TMEM107: variants seen among roughly 807,000 people sequenced by gnomAD.
TMEM107 encodes transmembrane protein 107.
Under a neutral mutation model 16.8 loss-of-function variants are expected in TMEM107, and 18 were observed. The observed-to-expected ratio is 1.07, with a 90% CI of 0.74 to 1.59. TMEM107 has a LOEUF of 1.59. TMEM107 is among the 40% of genes most tolerant of loss of function. TMEM107 has a pLI of 0.00. For synonymous variants in TMEM107, 68 were observed against 71.6 expected (o/e 0.95, Z 0.25); for missense variants, 152 against 175.4 (o/e 0.87, Z 0.75).
Position 8,175,196 on chromosome 17 carries a change from G to A in TMEM107, c.256+561C>T, listed in dbSNP as rs893938480. The A allele has an allele frequency of 6.0e-5, 12 of 200,286 alleles. No homozygotes were observed. In the East Asian group the frequency reaches 6.2e-4, roughly 10 times the overall value. The allele number at this position is 200,286 out of a possible 1,614,324, so 12.4% of individuals were successfully genotyped here. A position where few individuals can be genotyped will look rare whatever the true frequency, so the allele number is the denominator to read the frequency against. ...TTCTCCTTCCTCAGTCTCCTGAGTA[G>A]CTGGGATTACAGGAGTGCGCCGCCA... On this transcript the variant is annotated intron_variant, in intron 3 of 4. Coordinates refer to ENST00000437139, the MANE Select transcript of TMEM107 (RefSeq NM_183065.4).
chr17:8,172,742 T>G lies in TMEM107; in HGVS notation c.*1461A>C, dbSNP rs1295709131. On this transcript the variant is annotated 3_prime_UTR_variant, in exon 5 of 5. Transcript: ENST00000437139. ...GGTGCTCACCTGTAGTCCCAGCTAC[T>G]TGGGAGGCTGATGCAGGAGGATCAT... Among the ~76,000 whole-genome samples the G allele has an allele frequency of 6.6e-6, 1 of 150,602 alleles. No individual in the cohort carries two copies. The highest frequency in any genetic ancestry group is 1.5e-5 in the Non-Finnish European group (1 of 67,808).
In TMEM107 at chr17:8,173,192, G is replaced by A. The variant is rs531315244; in HGVS notation, c.*1011C>T. The A allele has an allele frequency of 3.2e-4, 124 of 383,828 alleles. No individual in the cohort carries two copies. Among genetic ancestry groups the A allele is most frequent in the African/African-American group, 1.7e-3 (82 of 48,544 alleles). 23.8% of individuals were successfully genotyped at this position (383,828 alleles called of 1,614,324 possible). On this transcript the variant is annotated 3_prime_UTR_variant, in exon 5 of 5. Transcript: ENST00000437139. ...TTTACTGATGTGCAATGTTTCCTGA[G>A]AAGTGAGGATTAAAGTTATCAAACG... is the stretch of plus-strand genomic sequence containing the variant.
rs770436015 is a variant in TMEM107, at chr17:8,173,432, A to C, written c.*771T>G. 7.9e-6 allele frequency: 6 copies of C among 760,390 alleles called. No individual in the cohort carries two copies. In the Admixed American group the frequency reaches 1.0e-4, roughly 13 times the overall value. 47.1% of individuals were successfully genotyped at this position (760,390 alleles called of 1,614,324 possible). A position where few individuals can be genotyped will look rare whatever the true frequency, so the allele number is the denominator to read the frequency against. On this transcript the variant is annotated 3_prime_UTR_variant, in exon 5 of 5. Transcript: ENST00000437139. ...ATATCTGCTAATCAGCATAACACAA[A>C]TGTAAGTGATCGTCAGAAAGAATCA...
chr17:8,173,163 GAT>G lies in TMEM107; in HGVS notation c.*1038_*1039del. ...CAACCACCATGTGCACAAGACTGCA[GAT>G]ATTTACTGATGTGCAATGTTTCCTG... On this transcript the variant is annotated 3_prime_UTR_variant, in exon 5 of 5. Coordinates refer to ENST00000437139, the MANE Select transcript of TMEM107 (RefSeq NM_183065.4). The G allele has an allele frequency of 3.0e-6, 1 of 337,660 alleles. No homozygotes were observed. 20.9% of individuals were successfully genotyped at this position (337,660 alleles called of 1,614,324 possible).
At position 8,173,529 on chromosome 17, in the gene TMEM107, C is replaced by A. The variant is rs780396107; in HGVS notation, c.*674G>T. ...TAATCACGTTTCATGCATCTCCAAT[C>A]ATCATGTTCTAATCTGCCCTCCGGA... On this transcript the variant is annotated 3_prime_UTR_variant, in exon 5 of 5. Coordinates refer to ENST00000437139, the MANE Select transcript of TMEM107 (RefSeq NM_183065.4). The A allele has an allele frequency of 1.3e-6, 1 of 765,272 alleles. No individual in the cohort carries two copies. Among genetic ancestry groups the A allele is most frequent in the Non-Finnish European group, 2.4e-6 (1 of 418,036 alleles). 47.4% of individuals were successfully genotyped at this position (765,272 alleles called of 1,614,324 possible).
In TMEM107 at chr17:8,173,465, G is replaced by C. The variant is rs181915503; in HGVS notation, c.*738C>G. The C allele has an allele frequency of 1.3e-5, 10 of 764,198 alleles. No individual in the cohort carries two copies. The highest frequency in any genetic ancestry group is 2.7e-5 in the South Asian group (2 of 74,518). The allele number at this position is 764,198 out of a possible 1,614,324, so 47.3% of individuals were successfully genotyped here. A position where few individuals can be genotyped will look rare whatever the true frequency, so the allele number is the denominator to read the frequency against. The stretch of plus-strand genomic sequence containing the variant: ...GATCGTCAGAAAGAATCAGACAGGA[G>C]CAATCAGGGTGTTGCAAGTCCTGAT... On this transcript the variant is annotated 3_prime_UTR_variant, in exon 5 of 5. Coordinates refer to ENST00000437139, the MANE Select transcript of TMEM107 (RefSeq NM_183065.4).
At position 8,173,290 on chromosome 17, in the gene TMEM107, T is replaced by C; in HGVS notation, c.*913A>G. Reference sequence around the variant, plus strand: ...GAAAGCAACAAAAACCAAATCACAATTTTCAAGAACAAACAAATTTAGCAA... The same window carrying C: ...GAAAGCAACAAAAACCAAATCACAACTTTCAAGAACAAACAAATTTAGCAA... On this transcript the variant is annotated 3_prime_UTR_variant, in exon 5 of 5. Coordinates refer to ENST00000437139, the MANE Select transcript of TMEM107 (RefSeq NM_183065.4). 17 of 537,012 alleles carry C rather than the reference T, an allele frequency of 3.2e-5. No homozygotes were observed. The South Asian group carries it at 3.2e-4, about 10-fold the overall frequency. The allele number at this position is 537,012 out of a possible 1,614,324, so 33.3% of individuals were successfully genotyped here.
Position 8,173,328 on chromosome 17 carries a change from G to C in TMEM107, c.*875C>G, listed in dbSNP as rs115801403. On this transcript the variant is annotated 3_prime_UTR_variant, in exon 5 of 5. Coordinates refer to ENST00000437139, the MANE Select transcript of TMEM107 (RefSeq NM_183065.4). ...ACAAATTTAGCAAGACTGCAAAATA[G>C]ACAAACAGCAATAGCAAGACTGCAA... 4.6e-3 allele frequency: 2,533 copies of C among 552,052 alleles called. 59 individuals are homozygous for C. The highest frequency in any genetic ancestry group is 0.043 in the African/African-American group (2,284 of 52,656). The allele number at this position is 552,052 out of a possible 1,614,324, so 34.2% of individuals were successfully genotyped here. A position where few individuals can be genotyped will look rare whatever the true frequency, so the allele number is the denominator to read the frequency against.
rs150885627 is a variant in TMEM107, at chr17:8,173,488, G to C, written c.*715C>G. The C allele has an allele frequency of 2.5e-5, 19 of 764,950 alleles. No homozygotes were observed. The highest frequency in any genetic ancestry group is 3.4e-5 in the Admixed American group (2 of 58,978). 47.4% of individuals were successfully genotyped at this position (764,950 alleles called of 1,614,324 possible). ...GAGCAATCAGGGTGTTGCAAGTCCTGATTACGCAGAGACGTTAATCACGTT... is the reference window on the plus strand; with the variant it reads ...GAGCAATCAGGGTGTTGCAAGTCCTCATTACGCAGAGACGTTAATCACGTT... On this transcript the variant is annotated 3_prime_UTR_variant, in exon 5 of 5. Coordinates refer to ENST00000437139, the MANE Select transcript of TMEM107 (RefSeq NM_183065.4).
At position 8,173,533 on chromosome 17, in the gene TMEM107, A is replaced by C. The variant is rs769268874; in HGVS notation, c.*670T>G. The C allele has an allele frequency of 1.2e-5, 9 of 765,292 alleles. No homozygotes were observed. Among genetic ancestry groups the C allele is most frequent in the Admixed American group, 1.7e-5 (1 of 59,010 alleles). The allele number at this position is 765,292 out of a possible 1,614,324, so 47.4% of individuals were successfully genotyped here. Reference sequence around the variant, plus strand: ...CACGTTTCATGCATCTCCAATCATCATGTTCTAATCTGCCCTCCGGAGGAG... The same window carrying C: ...CACGTTTCATGCATCTCCAATCATCCTGTTCTAATCTGCCCTCCGGAGGAG... On this transcript the variant is annotated 3_prime_UTR_variant, in exon 5 of 5. Transcript: ENST00000437139.
chr17:8,174,577 A>C lies in TMEM107; in HGVS notation c.296T>G (p.Phe99Cys). The C allele has an allele frequency of 5.0e-6, 8 of 1,614,066 alleles. No individual in the cohort carries two copies. Among genetic ancestry groups the C allele is most frequent in the Non-Finnish European group, 6.8e-6 (8 of 1,179,942 alleles). The change falls in exon 4 of 5, where the codon TTC becomes TGC. Residue 99 changes from phenylalanine to cysteine, a missense_variant. Physicochemically the swap from Phe to Cys is radical, Grantham distance 205 (BLOSUM62 -2). Transcript: ENST00000437139. The part of the protein sequence containing the change: ...AHCSASVALS[F>C]FIFERWECTT... ...GCACTCCCAACGCTCGAATATGAAG[A>C]AGGACAGGGCCACGGATGCACTACA...
At chr17:8,174,373 G>C (rs1463185642) in intron 4 of TMEM107, 101 bp from the exon 5 acceptor site, 4 of 1,329,324 alleles carry the variant, frequency 3.0e-6, no homozygotes, top group African/African-American at 1.5e-5. Flanking sequence ...GGTGGCATGG[G>C]GGGTAGGGGA....
chr17:8,173,800 T>C lies in TMEM107; in HGVS notation c.*403A>G, dbSNP rs1026841125. Reference sequence around the variant, plus strand: ...TCCCAGAATGCTCCGATCAGTTACGTGCCGGACGTTCTAACTGTACGCACT... The same window carrying C: ...TCCCAGAATGCTCCGATCAGTTACGCGCCGGACGTTCTAACTGTACGCACT... On this transcript the variant is annotated 3_prime_UTR_variant, in exon 5 of 5. Coordinates refer to ENST00000437139, the MANE Select transcript of TMEM107 (RefSeq NM_183065.4). 29 of 528,362 alleles carry C rather than the reference T, an allele frequency of 5.5e-5. No individual in the cohort carries two copies. Among genetic ancestry groups the C allele is most frequent in the Admixed American group, 2.1e-4 (6 of 28,340 alleles). 32.7% of individuals were successfully genotyped at this position (528,362 alleles called of 1,614,324 possible).
At position 8,174,220 on chromosome 17, in the gene TMEM107, T is replaced by G. The variant is rs1212456331; in HGVS notation, c.406A>C (p.Lys136Gln). The G allele has an allele frequency of 6.2e-7, 1 of 1,614,214 alleles. No homozygotes were observed. The highest frequency in any genetic ancestry group is 8.5e-7 in the Non-Finnish European group (1 of 1,180,020). The change falls in exon 5 of 5, where the codon AAA becomes CAA. Residue 136 changes from lysine (K) to glutamine (Q), a missense_variant. Physicochemically the swap from Lys to Gln is moderately conservative, Grantham distance 53. Transcript: ENST00000437139. ...GAAGGTAATCAGAAGGGTTTCTTTT[T>G]CAGCCCAAAGACGGTGACGAATAAA... Reference protein sequence around the residue: ...MALFVTVFGLKKKPF With the variant: ...MALFVTVFGLQKKPF
Position 8,173,894 on chromosome 17 carries a change from T to TA in TMEM107, c.*308dup. 1 of 492,860 alleles carries TA rather than the reference T, an allele frequency of 2.0e-6. No individual in the cohort carries two copies. The highest frequency in any genetic ancestry group is 2.6e-5 in the South Asian group (1 of 38,244). 30.5% of individuals were successfully genotyped at this position (492,860 alleles called of 1,614,324 possible). Reference sequence around the variant, plus strand: ...ACCGTAGTAACCAAAATAGAAGCGATACCAAGTATCTTACGGTCTGCAGGA... The same window carrying TA: ...ACCGTAGTAACCAAAATAGAAGCGATAACCAAGTATCTTACGGTCTGCAGGA... On this transcript the variant is annotated 3_prime_UTR_variant, in exon 5 of 5. Coordinates refer to ENST00000437139, the MANE Select transcript of TMEM107 (RefSeq NM_183065.4).
intron 4 of TMEM107, 95 bp from the exon 5 acceptor site, chr17:8,174,367 G>T (rs1983954867): frequency 6.7e-6 from 9 of 1,338,450 alleles, no homozygotes; most frequent in Middle Eastern, 1.8e-4. Flanking sequence ...AGGGCAGGTG[G>T]CATGGGGGGT....
rs1983628864 is a variant in TMEM107 at position 8,172,716 on chromosome 17, TG to T, written c.*1486del. Among the ~76,000 whole-genome samples the T allele has an allele frequency of 6.6e-6, 1 of 151,508 alleles. No homozygotes were observed. Among genetic ancestry groups the T allele is most frequent in the Admixed American group, 6.6e-5 (1 of 15,178 alleles). On this transcript the variant is annotated 3_prime_UTR_variant, in exon 5 of 5. Transcript: ENST00000437139. The stretch of plus-strand genomic sequence containing the variant: ...AAAATTTTAAAACAACCAGGTGTGG[TG>T]GTGCTCACCTGTAGTCCCAGCTACT...
chr17:8,175,436 C>G (rs1984045941), intron 3 of TMEM107: 1 of 568,522 alleles, frequency 1.8e-6, no homozygotes, highest in African/African-American at 1.9e-5. Context: ...TTGTATCTAC[C>G]TCCTCCTCAT....
chr17:8,173,369 AGGTTAT>A lies in TMEM107; in HGVS notation c.*828_*833del. On this transcript the variant is annotated 3_prime_UTR_variant, in exon 5 of 5. Coordinates refer to ENST00000437139, the MANE Select transcript of TMEM107 (RefSeq NM_183065.4). ...AAGACTGCAAAATAGACAAACAGCAAGGTTATCCCAGTCAGAACTTCATAGCTATGT... is the reference window on the plus strand; with the variant it reads ...AAGACTGCAAAATAGACAAACAGCAACCCAGTCAGAACTTCATAGCTATGT... The A allele has an allele frequency of 1.5e-6, 1 of 645,820 alleles. No individual in the cohort carries two copies. The highest frequency in any genetic ancestry group is 2.7e-5 in the East Asian group (1 of 37,496). 40.0% of individuals were successfully genotyped at this position (645,820 alleles called of 1,614,324 possible).
Sources: gnomAD v4.1 joint callset for allele counts (sites outside exome capture counted in the v4.1 genomes callset) on GRCh38, gnomAD v4.1.1 for gene constraint, MANE v1.5 for transcripts, NCBI Gene and HGNC (gene_info 2026-07-23, HGNC 2026-07-21) for gene names.